Variants in ACAP2 observed in about 807,000 individuals in gnomAD.
ACAP2 encodes arf-GAP with coiled-coil, ANK repeat and PH domain-containing protein 2.
ACAP2 carries 39 observed loss-of-function variants against 115.8 expected under a neutral mutation model. The ratio of observed to expected loss-of-function variants is 0.34; its 90% CI spans 0.26 to 0.44. The LOEUF (loss-of-function observed/expected upper bound fraction) is 0.44. ACAP2 is among the 20% of genes least tolerant of loss of function. The pLI, the probability that ACAP2 is intolerant of heterozygous loss-of-function variation, is 1.00. For synonymous variants in ACAP2, 289 were observed against 315.8 expected (o/e 0.92, Z 0.90); for missense variants, 662 against 927.6 (o/e 0.71, Z 3.72).
Position 195,347,108 on chromosome 3 carries a change from T to C in ACAP2, c.286-1791A>G, listed in dbSNP as rs188878390. 5.6e-3 allele frequency among the ~76,000 whole-genome samples: 856 copies of C among 152,296 alleles called. 4 individuals are homozygous for C. The highest frequency in any genetic ancestry group is 7.5e-3 in the Non-Finnish European group (511 of 68,030). On this transcript the variant is annotated intron_variant, in intron 4 of 22. Transcript: ENST00000326793. Reference sequence around the variant, plus strand: ...ATATGCCACAAAAAAAAATCAATTTTGTTATATTTAAATTTAAAAATAACT... The same window carrying C: ...ATATGCCACAAAAAAAAATCAATTTCGTTATATTTAAATTTAAAAATAACT...
Position 195,381,990 on chromosome 3 carries a change from AG to A in ACAP2, c.143del (p.Thr48MetfsTer13). 6.2e-7 allele frequency: 1 copy of A among 1,610,200 alleles called. No individual in the cohort carries two copies. Among genetic ancestry groups the A allele is most frequent in the Non-Finnish European group, 8.5e-7 (1 of 1,178,886 alleles). On this transcript the variant is annotated frameshift_variant, in exon 3 of 23. Coordinates refer to ENST00000326793, the MANE Select transcript of ACAP2 (RefSeq NM_012287.6). LOFTEE classifies it high-confidence loss of function. The stretch of plus-strand genomic sequence containing the variant: ...TATTTGCAACACAAAAGGCTTTTCC[AG>A]TATCAATCATTGCAATACAAAGTTT... ...LVKLCIAMIDTGKAFCVANKQ... is the reference protein window; with the variant it reads ...LVKLCIAMIDXGKAFCVANKQ...
rs866765936 is a variant in ACAP2, at chr3:195,424,934, A to T, written c.53+17861T>A. Among the ~76,000 whole-genome samples the T allele has an allele frequency of 5.5e-3, 798 of 143,806 alleles. 23 individuals are homozygous for T. The highest frequency in any genetic ancestry group is 0.021 in the African/African-American group (764 of 37,042). 94.3% of individuals were successfully genotyped at this position (143,806 alleles called of 152,430 possible). A position where few individuals can be genotyped will look rare whatever the true frequency, so the allele number is the denominator to read the frequency against. On this transcript the variant is annotated intron_variant, in intron 1 of 22. Coordinates refer to ENST00000326793, the MANE Select transcript of ACAP2 (RefSeq NM_012287.6). Reference sequence around the variant, plus strand: ...CTGTCTTAAAAAAAAAAAAAAAAAAAAAAAAAAAAAGGTTTTAAGAGTTGA... The same window carrying T: ...CTGTCTTAAAAAAAAAAAAAAAAAATAAAAAAAAAAGGTTTTAAGAGTTGA...
intron 13 of ACAP2, among the ~76,000 whole-genome samples, chr3:195,304,384 A>G (rs894767342): frequency 2.0e-5 from 3 of 152,200 alleles, no homozygotes; most frequent in African/African-American, 7.2e-5. Flanking sequence ...TAGAGAACTA[A>G]GTACACAAAC....
chr3:195,318,947 C>G (rs1056509562), intron 10 of ACAP2, among the ~76,000 whole-genome samples: 2 of 152,076 alleles, frequency 1.3e-5, no homozygotes, highest in Non-Finnish European at 2.9e-5. Context: ...GCCCAGAAAC[C>G]TAGGAGGGAA....
At chr3:195,303,977 T>G (rs989003262) in intron 13 of ACAP2, among the ~76,000 whole-genome samples, 1 of 151,896 alleles carries the variant, frequency 6.6e-6, no homozygotes, top group Admixed American at 6.6e-5. Context: ...CTGGCCAATA[T>G]GGTGAAACCC....
intron 1 of ACAP2, among the ~76,000 whole-genome samples, chr3:195,428,194 T>C (rs909671047): frequency 5.9e-5 from 9 of 151,426 alleles, no homozygotes; most frequent in African/African-American, 1.9e-4. Flanking sequence ...TATACATACA[T>C]GTATACATAT....
In ACAP2 at chr3:195,278,504, G is replaced by A. The variant is rs1009773113; in HGVS notation, c.*824C>T. The A allele has an allele frequency of 4.7e-4, 71 of 151,968 alleles. No individual in the cohort carries two copies. The highest frequency in any genetic ancestry group is 1.7e-3 in the African/African-American group (69 of 41,422). 9.4% of individuals were successfully genotyped at this position (151,968 alleles called of 1,614,324 possible). ...AGTTTTGATGAAGGCATAATTTTGTGACATTCAAGTAACCTTTAAAACATA... is the reference window on the plus strand; with the variant it reads ...AGTTTTGATGAAGGCATAATTTTGTAACATTCAAGTAACCTTTAAAACATA... On this transcript the variant is annotated 3_prime_UTR_variant, in exon 23 of 23. Transcript: ENST00000326793.
chr3:195,316,973 C>T (rs1464373469), intron 10 of ACAP2, among the ~76,000 whole-genome samples: 3 of 131,612 alleles, frequency 2.3e-5, no homozygotes, highest in Non-Finnish European at 3.1e-5. Flanking sequence ...TCTCGGCTCA[C>T]TGCAGCCTCT....
chr3:195,310,294 G>C (rs951060220), intron 10 of ACAP2, among the ~76,000 whole-genome samples: 4 of 152,160 alleles, frequency 2.6e-5, no homozygotes, highest in African/African-American at 4.8e-5. Flanking sequence ...TAAGCATCTA[G>C]ATAAAATGAG....
chr3:195,323,930 A>G (rs1038191561), intron 9 of ACAP2, among the ~76,000 whole-genome samples: 3 of 152,242 alleles, frequency 2.0e-5, no homozygotes, highest in African/African-American at 7.2e-5. Context: ...TGTTTGTAAC[A>G]CAAAGGATAA....
At chr3:195,332,184 G>A (rs1317990927) in intron 8 of ACAP2, among the ~76,000 whole-genome samples, 1 of 150,904 alleles carries the variant, frequency 6.6e-6, no homozygotes, top group Non-Finnish European at 1.5e-5. Flanking sequence ...TAGGCCACAT[G>A]TGACTGCATG....
At chr3:195,317,981 G>GGT (rs1416218172) in intron 10 of ACAP2, among the ~76,000 whole-genome samples, 1 of 152,178 alleles carries the variant, frequency 6.6e-6, no homozygotes. Flanking sequence ...GGCGGGATGT[G>GGT]GTGTGAGGTG....
chr3:195,396,677 C>T (rs908679953), intron 1 of ACAP2, among the ~76,000 whole-genome samples: 4 of 149,626 alleles, frequency 2.7e-5, no homozygotes, highest in African/African-American at 7.4e-5. Flanking sequence ...ATCCCAACTA[C>T]TTGGCAGGCT....
intron 16 of ACAP2, among the ~76,000 whole-genome samples, chr3:195,296,188 A>G (rs1285042633): frequency 2.0e-5 from 3 of 151,940 alleles, no homozygotes; most frequent in Non-Finnish European, 4.4e-5. Context: ...TACTGCCCTC[A>G]TGCTTTTTGC....
rs781484371 is a variant in ACAP2, at chr3:195,306,517, T to C, written c.1110A>G (p.Glu370=). ...IATAYREKGD[E]SEKLDKKSSP... Reference sequence around the variant, plus strand: ...TGCTAATACCTCTACTAACCTCTGATTCATCACCCTTCTCTCTATAAGCAG... The same window carrying C: ...TGCTAATACCTCTACTAACCTCTGACTCATCACCCTTCTCTCTATAAGCAG... Residue 370 remains glutamate, a synonymous_variant, in exon 13 of 23, where the codon GAA becomes GAG. Transcript: ENST00000326793. 2.5e-6 allele frequency: 4 copies of C among 1,603,700 alleles called. No homozygotes were observed. In the South Asian group the frequency reaches 4.5e-5, roughly 18 times the overall value.
intron 4 of ACAP2, chr3:195,357,657 GGA>G (rs1732068807): frequency 6.6e-6 from 1 of 152,198 alleles, no homozygotes; most frequent in Admixed American, 6.5e-5. Context: ...CACTCATTTT[GGA>G]GAAAGTAAGG....
intron 11 of ACAP2, 25 bp from the exon 12 acceptor site, chr3:195,307,348 A>G (rs1728489684): frequency 2.0e-6 from 3 of 1,495,564 alleles, no homozygotes; most frequent in African/African-American, 1.4e-5. Flanking sequence ...CCAAATTTCC[A>G]TATTTTTCCA....
intron 4 of ACAP2, among the ~76,000 whole-genome samples, chr3:195,371,418 T>C (rs1471503553): frequency 1.3e-5 from 2 of 152,226 alleles, no homozygotes; most frequent in African/African-American, 4.8e-5. Context: ...TCCTGAAACT[T>C]TGCTGAAGTT....
chr3:195,434,843 T>C (rs1420595328), intron 1 of ACAP2, among the ~76,000 whole-genome samples: 1 of 152,230 alleles, frequency 6.6e-6, no homozygotes, highest in Non-Finnish European at 1.5e-5. Flanking sequence ...TCTTGAAATA[T>C]ATTCTTCTAA....
Sources: gnomAD v4.1 joint callset for allele counts (sites outside exome capture counted in the v4.1 genomes callset) on GRCh38, gnomAD v4.1.1 for gene constraint, MANE v1.5 for transcripts, NCBI Gene and HGNC (gene_info 2026-07-23, HGNC 2026-07-21) for gene names.